Variants in VMP1 observed in about 807,000 individuals in gnomAD.
VMP1 encodes vacuole membrane protein 1.
A neutral mutation model predicts 56.0 loss-of-function variants in VMP1; 11 were observed. The ratio of observed to expected loss-of-function variants is 0.20; its 90% CI spans 0.12 to 0.32. The LOEUF (loss-of-function observed/expected upper bound fraction) is 0.32. Ranked by LOEUF, VMP1 falls within the 10% of genes least tolerant of loss-of-function variation. The probability of loss-of-function intolerance (pLI) is 1.00; values close to 1 mark genes in which losing one functional copy is unlikely to be tolerated. For synonymous variants in VMP1, 149 were observed against 165.0 expected (o/e 0.90, Z 0.74); for missense variants, 296 against 490.3 (o/e 0.60, Z 3.74).
intron 9 of VMP1, among the ~76,000 whole-genome samples, chr17:59,817,282 C>CAAA (rs1209080230): frequency 1.7e-5 from 1 of 60,354 alleles, no homozygotes; most frequent in Non-Finnish European, 3.2e-5. Context: ...AACTCTGTCT[C>CAAA]AAAAAAAAAA....
intron 10 of VMP1, among the ~76,000 whole-genome samples, chr17:59,820,091 C>T (rs535129118): frequency 3.6e-4 from 55 of 152,152 alleles, no homozygotes; most frequent in Admixed American, 9.2e-4. Flanking sequence ...GTCTTCACTC[C>T]CTTTCTCCTC....
chr17:59,810,399 C>G (rs2038016295), intron 8 of VMP1, among the ~76,000 whole-genome samples: 1 of 152,144 alleles, frequency 6.6e-6, no homozygotes, highest in South Asian at 2.1e-4. Flanking sequence ...AGTGATCTAC[C>G]CACCTCGGCC....
intron 7 of VMP1, among the ~76,000 whole-genome samples, chr17:59,794,995 C>CTTT (rs59397471): frequency 0.39 from 47,567 of 120,936 alleles, 11,510 homozygotes; most frequent in Non-Finnish European, 0.52. Flanking sequence ...CAGATTTGAT[C>CTTT]TTTTTTTTTT....
intron 5 of VMP1, among the ~76,000 whole-genome samples, chr17:59,753,275 A>G (rs2035721440): frequency 6.8e-6 from 1 of 146,926 alleles, no homozygotes; most frequent in Non-Finnish European, 1.5e-5. Context: ...CTGTCTCAAG[A>G]AAAAAAAAAA....
intron 10 of VMP1, among the ~76,000 whole-genome samples, chr17:59,818,500 G>A (rs1225469478): frequency 6.6e-6 from 1 of 152,196 alleles, no homozygotes; most frequent in Non-Finnish European, 1.5e-5. Flanking sequence ...GCCAGGCACG[G>A]TGGCTGATGC....
At chr17:59,757,859 C>CTTTTTTTTTTTT (rs66605258) in intron 5 of VMP1, among the ~76,000 whole-genome samples, 2 of 91,254 alleles carry the variant, frequency 2.2e-5, no homozygotes, top group Admixed American at 1.7e-4. Flanking sequence ...TTATTTGCCA[C>CTTTTTTTTTTTT]TTTTTTTTTT....
At chr17:59,776,784 T>C (rs1479563583) in intron 7 of VMP1, among the ~76,000 whole-genome samples, 1 of 152,228 alleles carries the variant, frequency 6.6e-6, no homozygotes, top group African/African-American at 2.4e-5. Flanking sequence ...TTTATCTATA[T>C]GAAATCAGCA....
chr17:59,742,682 AACCAGGCC>A (rs1181005028), intron 5 of VMP1, among the ~76,000 whole-genome samples: 1 of 152,048 alleles, frequency 6.6e-6, no homozygotes, highest in African/African-American at 2.4e-5. Flanking sequence ...GCCTGTTAGG[AACCAGGCC>A]ACACAGCAGT....
At chr17:59,824,959 G>C (rs573754686) in intron 10 of VMP1, among the ~76,000 whole-genome samples, 19 of 151,786 alleles carry the variant, frequency 1.3e-4, no homozygotes, top group Middle Eastern at 3.4e-3. Flanking sequence ...CAGATGGATT[G>C]GTTGAATTCT....
intron 7 of VMP1, among the ~76,000 whole-genome samples, chr17:59,795,362 C>T (rs947042563): frequency 1.3e-4 from 20 of 152,016 alleles, no homozygotes; most frequent in African/African-American, 4.3e-4. Flanking sequence ...AGTGATCCAT[C>T]CGCCTCAGCC....
At chr17:59,779,711 C>T (rs2036752774) in intron 7 of VMP1, among the ~76,000 whole-genome samples, 1 of 152,114 alleles carries the variant, frequency 6.6e-6, no homozygotes, top group African/African-American at 2.4e-5. Context: ...AAAAGTCATT[C>T]GTATTGCTCA....
Position 59,735,618 on chromosome 17 carries a change from CCTTT to C in VMP1, c.212+150_212+153del, listed in dbSNP as rs970249092. 26 of 880,712 alleles carry C rather than the reference CCTTT, an allele frequency of 3.0e-5. No homozygotes were observed. The African/African-American group carries it at 3.7e-4, about 13-fold the overall frequency. The allele number at this position is 880,712 out of a possible 1,614,324, so 54.6% of individuals were successfully genotyped here. Reference sequence around the variant, plus strand: ...ATTACCATAGGAACATATTTATTCTCCTTTCTTTAGGTTGAAGAAAAATAGATTA... The same window carrying C: ...ATTACCATAGGAACATATTTATTCTCCTTTAGGTTGAAGAAAAATAGATTA... On this transcript the variant is annotated intron_variant, in intron 3 of 11. Transcript: ENST00000262291.
rs2039155557 is a variant in VMP1 at position 59,841,490 on chromosome 17, T to C, written c.*1579T>C. ...GCAGCAGTATGGAGGGAGGATTTTA[T>C]GGAGAAATGGGGATAGTCTTCATGA... On this transcript the variant is annotated 3_prime_UTR_variant, in exon 12 of 12. Transcript: ENST00000262291. The C allele has an allele frequency of 4.3e-6, 1 of 234,812 alleles. No individual in the cohort carries two copies. Among genetic ancestry groups the C allele is most frequent in the Non-Finnish European group, 9.6e-6 (1 of 104,480 alleles). 14.5% of individuals were successfully genotyped at this position (234,812 alleles called of 1,614,324 possible).
rs534020051 is a variant in VMP1 at position 59,841,624 on chromosome 17, T to C, written c.*1713T>C. 4.9e-5 allele frequency: 8 copies of C among 161,864 alleles called. No homozygotes were observed. The East Asian group carries it at 1.4e-3, about 28-fold the overall frequency. 10.0% of individuals were successfully genotyped at this position (161,864 alleles called of 1,614,324 possible). A position where few individuals can be genotyped will look rare whatever the true frequency, so the allele number is the denominator to read the frequency against. ...ACTTTTCTAGCTGTATGACTGTTACTTGACCTTCTTTGAAAAGCATTCCCA... is the reference window on the plus strand; with the variant it reads ...ACTTTTCTAGCTGTATGACTGTTACCTGACCTTCTTTGAAAAGCATTCCCA... On this transcript the variant is annotated 3_prime_UTR_variant, in exon 12 of 12. Coordinates refer to ENST00000262291, the MANE Select transcript of VMP1 (RefSeq NM_030938.5).
At chr17:59,749,758 C>G (rs138980235) in intron 5 of VMP1, among the ~76,000 whole-genome samples, 54 of 152,200 alleles carry the variant, frequency 3.5e-4, no homozygotes, top group African/African-American at 1.3e-3. Flanking sequence ...GATCAGCCCC[C>G]CTCAGCCTCC....
Position 59,841,818 on chromosome 17 carries a change from T to A in VMP1, c.*1907T>A, listed in dbSNP as rs1198935363. On this transcript the variant is annotated 3_prime_UTR_variant, in exon 12 of 12. Transcript: ENST00000262291. ...GGAAAGCAAATACGAATTGTACTATTTGTACCAAATCTTTGGGATTCATTG... is the reference window on the plus strand; with the variant it reads ...GGAAAGCAAATACGAATTGTACTATATGTACCAAATCTTTGGGATTCATTG... 1 of 152,234 alleles carries A rather than the reference T, an allele frequency of 6.6e-6. No individual in the cohort carries two copies. The highest frequency in any genetic ancestry group is 1.9e-4 in the East Asian group (1 of 5,206). 9.4% of individuals were successfully genotyped at this position (152,234 alleles called of 1,614,324 possible).
At chr17:59,759,385 AAT>A (rs2035961249) in intron 5 of VMP1, among the ~76,000 whole-genome samples, 1 of 152,092 alleles carries the variant, frequency 6.6e-6, no homozygotes, top group Non-Finnish European at 1.5e-5. Flanking sequence ...AAAAAAATAA[AAT>A]AAAGAAATTT....
intron 7 of VMP1, among the ~76,000 whole-genome samples, chr17:59,802,908 G>GGCTAATTTTGTATTTTTA (rs1485833811): frequency 2.5e-5 from 3 of 119,892 alleles, no homozygotes; most frequent in African/African-American, 5.0e-5. Flanking sequence ...CACCATGCCC[G>GGCTAATTTTGTATTTTTA]GCTAATTTTG....
intron 10 of VMP1, among the ~76,000 whole-genome samples, chr17:59,832,960 A>T (rs1045960055): frequency 2.6e-5 from 4 of 151,940 alleles, no homozygotes; most frequent in African/African-American, 7.3e-5. Context: ...AAATTGGAGG[A>T]CTTCCCCAAC....
Sources: allele counts gnomAD v4.1 joint callset (sites outside exome capture counted in the v4.1 genomes callset), GRCh38; gene constraint gnomAD v4.1.1; transcripts MANE v1.5; gene names NCBI Gene and HGNC (gene_info 2026-07-23, HGNC 2026-07-21).